The following UGT2A3 variants were observed in gnomAD, a reference collection of about 807,000 sequenced individuals.
UGT2A3 encodes UDP-glucuronosyltransferase 2A3.
Under a neutral mutation model 44.1 loss-of-function variants are expected in UGT2A3, and 55 were observed. That is an observed-to-expected ratio of 1.25 (90% CI 1.00 to 1.56). UGT2A3 has a LOEUF of 1.56. Among genes scored for constraint, UGT2A3 ranks in the 40% most tolerant of loss-of-function variants. UGT2A3 has a pLI of 0.00. For synonymous variants in UGT2A3, 243 were observed against 215.1 expected (o/e 1.13, Z -1.13); for missense variants, 733 against 621.6 (o/e 1.18, Z -1.91).
intron 2 of UGT2A3, 142 bp from the exon 3 acceptor site, chr4:68,932,901 T>A: frequency 1.2e-6 from 1 of 802,312 alleles, no homozygotes; most frequent in Non-Finnish European, 1.9e-6. Context: ...CACACAGAAC[T>A]ATCTAGTCTC....
chr4:68,947,519 AT>A (rs1317002151), intron 1 of UGT2A3, among the ~76,000 whole-genome samples: 2 of 151,730 alleles, frequency 1.3e-5, no homozygotes. Flanking sequence ...TTAGAATCAA[AT>A]TTTTTCCAAA....
intron 1 of UGT2A3, 87 bp downstream of exon 1, chr4:68,950,959 G>T: frequency 1.1e-6 from 1 of 907,580 alleles, no homozygotes; most frequent in South Asian, 2.3e-5. Context: ...TCATTGACCT[G>T]CATATATATG....
At position 68,930,048 on chromosome 4, in the gene UGT2A3, T is replaced by A. The variant is rs1403445961; in HGVS notation, c.1349A>T (p.Gln450Leu). ...TGCTCGATCTAGGGGCTTTACAGGT[T>A]GATCATGGTGAATTCTTGATAATCT... ...AMRLSRIHHD[Q>L]PVKPLDRAVF... The change falls in exon 6 of 6, where the codon CAA (glutamine) becomes CTA (leucine). Residue 450 changes from glutamine (Q) to leucine (L), a missense_variant. Transcript: ENST00000251566. 6.2e-7 allele frequency: 1 copy of A among 1,613,244 alleles called. No individual in the cohort carries two copies. Among genetic ancestry groups the A allele is most frequent in the Non-Finnish European group, 8.5e-7 (1 of 1,179,550 alleles).
At position 68,931,218 on chromosome 4, in the gene UGT2A3, T is replaced by G; in HGVS notation, c.1021A>C (p.Lys341Gln). ...QKVLWRYKGK[K>Q]PSTLGANTRL... The stretch of plus-strand genomic sequence containing the variant: ...GTATTGGCTCCTAATGTGGATGGTT[T>G]TTTTCCTTTGTACCTCCATAACACC... The change falls in exon 4 of 6, where the codon AAA becomes CAA. Residue 341 changes from lysine (K) to glutamine (Q), a missense_variant. By Grantham distance (53) the Lys-to-Gln change is moderately conservative. Transcript: ENST00000251566. 1 of 1,612,962 alleles carries G rather than the reference T, an allele frequency of 6.2e-7. No homozygotes were observed.
chr4:68,931,749 A>G (rs1239852681), intron 3 of UGT2A3, among the ~76,000 whole-genome samples: 1 of 151,928 alleles, frequency 6.6e-6, no homozygotes, highest in Non-Finnish European at 1.5e-5. Context: ...GTTTTATTGA[A>G]GAAGAATGAG....
chr4:68,938,652 A>G (rs1277578715), intron 2 of UGT2A3, among the ~76,000 whole-genome samples: 1 of 152,196 alleles, frequency 6.6e-6, no homozygotes, highest in African/African-American at 2.4e-5. Flanking sequence ...CAAGACAAAG[A>G]TGCCTTCTCT....
intron 1 of UGT2A3, 64 bp from the exon 2 acceptor site, chr4:68,945,518 T>C (rs1718355142): frequency 7.0e-7 from 1 of 1,426,600 alleles, no homozygotes; most frequent in Admixed American, 2.3e-5. Flanking sequence ...TATCACTAAT[T>C]TTTCAGTAAG....
chr4:68,932,511 G>GT (rs1717772803), intron 3 of UGT2A3, 117 bp downstream of exon 3: 1 of 1,230,308 alleles, frequency 8.1e-7, no homozygotes, highest in South Asian at 1.6e-5. Flanking sequence ...CTACTATAAT[G>GT]TTTTGCAAAT....
At chr4:68,937,461 A>G (rs2331562) in intron 2 of UGT2A3, among the ~76,000 whole-genome samples, 110,949 of 151,968 alleles carry the variant, frequency 0.73, 42,123 homozygotes, top group Non-Finnish European at 0.86. Context: ...CTGAATGACT[A>G]CCAGAGAAAT....
intron 2 of UGT2A3, among the ~76,000 whole-genome samples, chr4:68,941,896 C>G (rs1718199483): frequency 6.6e-6 from 1 of 151,850 alleles, no homozygotes; most frequent in Non-Finnish European, 1.5e-5. Context: ...CTCAAAATCA[C>G]TAATCATCAG....
At chr4:68,943,197 GA>G in intron 2 of UGT2A3, 1 of 477,498 alleles carries the variant, frequency 2.1e-6, no homozygotes, top group South Asian at 2.3e-5. Flanking sequence ...TTATTTCTAT[GA>G]GTGTGTGTTT....
intron 1 of UGT2A3, among the ~76,000 whole-genome samples, chr4:68,947,528 A>G (rs1473251653): frequency 6.6e-6 from 1 of 151,794 alleles, no homozygotes; most frequent in African/African-American, 2.4e-5. Flanking sequence ...AATTTTTTCC[A>G]AACTCTTGTT....
At chr4:68,940,179 C>T (rs979591526) in intron 2 of UGT2A3, among the ~76,000 whole-genome samples, 1 of 152,034 alleles carries the variant, frequency 6.6e-6, no homozygotes, top group Non-Finnish European at 1.5e-5. Context: ...ACCATTTGAC[C>T]CAGTTATCCC....
intron 1 of UGT2A3, among the ~76,000 whole-genome samples, chr4:68,947,298 A>G (rs551051515): frequency 6.6e-6 from 1 of 151,936 alleles, no homozygotes; most frequent in Non-Finnish European, 1.5e-5. Context: ...ATTCCAACTC[A>G]CAAAACCAAT....
chr4:68,950,879 T>A (rs1718557107), intron 1 of UGT2A3, among the ~76,000 whole-genome samples, 167 bp downstream of exon 1: 1 of 151,882 alleles, frequency 6.6e-6, no homozygotes, highest in African/African-American at 2.4e-5. Context: ...ATTAAGAAAG[T>A]AGGTTATCTT....
intron 2 of UGT2A3, among the ~76,000 whole-genome samples, chr4:68,942,988 T>C (rs2109790475): frequency 6.6e-6 from 1 of 151,956 alleles, no homozygotes; most frequent in Non-Finnish European, 1.5e-5. Context: ...AACATTTAAA[T>C]GTATTGTAAT....
intron 3 of UGT2A3, 111 bp from the exon 4 acceptor site, chr4:68,931,353 G>A: frequency 2.5e-6 from 2 of 813,200 alleles, no homozygotes; most frequent in Admixed American, 2.6e-5. Flanking sequence ...TGATGGTTGA[G>A]ACAGGGGTGT....
At chr4:68,944,153 C>T (rs1481120408) in intron 2 of UGT2A3, among the ~76,000 whole-genome samples, 2 of 151,786 alleles carry the variant, frequency 1.3e-5, no homozygotes, top group African/African-American at 2.4e-5. Flanking sequence ...TTGACCAACA[C>T]AAATATAACA....
intron 2 of UGT2A3, among the ~76,000 whole-genome samples, chr4:68,933,985 A>G (rs1717842728): frequency 6.6e-6 from 1 of 152,020 alleles, no homozygotes; most frequent in South Asian, 2.1e-4. Flanking sequence ...TATCACCTTA[A>G]AAAGCTGAAT....
Sources: allele counts gnomAD v4.1 joint callset (sites outside exome capture counted in the v4.1 genomes callset), GRCh38; gene constraint gnomAD v4.1.1; transcripts MANE v1.5; gene names NCBI Gene and HGNC (gene_info 2026-07-23, HGNC 2026-07-21).